The following MAPK10 variants were observed in gnomAD, a reference collection of about 807,000 sequenced individuals.
The protein encoded by MAPK10 is JNK3 alpha protein kinase.
MAPK10 carries 25 observed loss-of-function variants against 59.3 expected under a neutral mutation model. That is an observed-to-expected ratio of 0.42 (90% confidence interval 0.31 to 0.59). The LOEUF is 0.59. Among genes scored for constraint, MAPK10 ranks in the 20% least tolerant of loss-of-function variants. The pLI is 0.15. For missense variants in MAPK10, 351 were observed against 568.9 expected (o/e 0.62, Z 3.90); for synonymous variants, 190 against 200.5 (o/e 0.95, Z 0.44).
At chr4:86,388,778 CATG>C (rs1741827087) in intron 1 of MAPK10, among the ~76,000 whole-genome samples, 1 of 151,984 alleles carries the variant, frequency 6.6e-6, no homozygotes, top group East Asian at 1.9e-4. Flanking sequence ...AAATTATATC[CATG>C]ATATTTGTTT....
intron 4 of MAPK10, among the ~76,000 whole-genome samples, chr4:86,134,722 C>T (rs1347360880): frequency 6.6e-6 from 1 of 152,222 alleles, no homozygotes. Context: ...CTACAGCTCC[C>T]AGCGTGAGCG....
At chr4:86,061,896 T>C (rs1253109118) in intron 11 of MAPK10, among the ~76,000 whole-genome samples, 1 of 152,170 alleles carries the variant, frequency 6.6e-6, no homozygotes, top group Admixed American at 6.5e-5. Context: ...CAAAACAGTC[T>C]TGTCAGCCCC....
chr4:86,191,552 GCTTTTTTTTTTTTTTTTTT>G (rs2079809740), intron 3 of MAPK10: 1 of 32,910 alleles, frequency 3.0e-5, no homozygotes, highest in Non-Finnish European at 8.2e-5. Context: ...TACAACCCGT[GCTTTTTTTTTTTTTTTTTT>G]TTTTTTTTTT....
intron 2 of MAPK10, among the ~76,000 whole-genome samples, chr4:86,249,147 A>C (rs1260069427): frequency 1.4e-5 from 2 of 144,324 alleles, no homozygotes; most frequent in African/African-American, 5.6e-5. Context: ...CCAGAATTTT[A>C]TTATACATAC....
rs941046095 is a variant in MAPK10 at position 86,067,960 on chromosome 4, G to A, written c.803-5C>T. The A allele has an allele frequency of 1.3e-6, 2 of 1,592,704 alleles. No homozygotes were observed. Among genetic ancestry groups the A allele is most frequent in the Non-Finnish European group, 1.7e-6 (2 of 1,167,474 alleles). ...CCTTATTCCACTGGTCAATATCTGA[G>A]AATTGAACAGTTAAGGGAAAAAAGA... On this transcript the variant is annotated splice_region_variant and splice_polypyrimidine_tract_variant and intron_variant, in intron 9 of 13. Transcript: ENST00000641462.
chr4:86,562,938 C>T (rs919818130), intron 1 of MAPK10, among the ~76,000 whole-genome samples: 1 of 152,222 alleles, frequency 6.6e-6, no homozygotes, highest in East Asian at 1.9e-4. Flanking sequence ...CCAGCTGAAA[C>T]TGCTCTCTGT....
intron 11 of MAPK10, among the ~76,000 whole-genome samples, chr4:86,043,328 C>G (rs78815543): frequency 2.4e-3 from 363 of 152,200 alleles, no homozygotes; most frequent in African/African-American, 8.3e-3. Context: ...AATTAACATG[C>G]AGGGGTGCAG....
chr4:86,176,836 C>G (rs1381537324), intron 3 of MAPK10, among the ~76,000 whole-genome samples: 2 of 151,966 alleles, frequency 1.3e-5, no homozygotes, highest in Non-Finnish European at 2.9e-5. Context: ...TTTCAACATA[C>G]AAGATATATC....
intron 1 of MAPK10, among the ~76,000 whole-genome samples, chr4:86,435,170 G>A (rs1019414959): frequency 1.3e-5 from 2 of 152,108 alleles, no homozygotes; most frequent in Non-Finnish European, 2.9e-5. Flanking sequence ...GAATATAAAG[G>A]TAGTTATAAC....
intron 1 of MAPK10, among the ~76,000 whole-genome samples, chr4:86,411,323 T>C (rs1377854202): frequency 1.3e-5 from 2 of 152,206 alleles, no homozygotes; most frequent in African/African-American, 4.8e-5. Flanking sequence ...TACTTCCAAC[T>C]ATGTGGTCAA....
At chr4:86,218,568 C>CAAAAAAAAA (rs11330422) in intron 2 of MAPK10, among the ~76,000 whole-genome samples, 7 of 95,442 alleles carry the variant, frequency 7.3e-5, no homozygotes, top group Admixed American at 1.2e-4. Flanking sequence ...AAGACTTAAG[C>CAAAAAAAAA]AAAAAAAAAA....
intron 1 of MAPK10, among the ~76,000 whole-genome samples, chr4:86,421,195 A>G (rs1746499317): frequency 6.6e-6 from 1 of 152,054 alleles, no homozygotes; most frequent in South Asian, 2.1e-4. Context: ...CTTGTGGGTC[A>G]TTTCCCCAAG....
Position 86,513,170 on chromosome 4 carries a change from C to T in MAPK10, c.-263+80740G>A, listed in dbSNP as rs530743922. 9.9e-5 allele frequency among the ~76,000 whole-genome samples: 15 copies of T among 152,218 alleles called. No homozygotes were observed. The South Asian group carries it at 3.1e-3, about 32-fold the overall frequency. ...TTAAGCAGTCCTCCCATCTCAGCCT[C>T]CCAAGTAGCTAGAACTACAGGCACA... On this transcript the variant is annotated intron_variant, in intron 1 of 4. Coordinates refer to the MAPK10 transcript ENST00000502302.
In MAPK10 at chr4:86,140,137, G is replaced by T. The variant is rs1386338160; in HGVS notation, c.236+19161C>A. On this transcript the variant is annotated intron_variant, in intron 4 of 13. Coordinates refer to ENST00000641462, the MANE Select transcript of MAPK10 (RefSeq NM_138982.4). ...GAAGTCAGTGTGGCGACTCCTCAGG[G>T]ATCTAGAACTAGAAATACCATTTGA... Among the ~76,000 whole-genome samples, 2 of 133,054 alleles carry T rather than the reference G, an allele frequency of 1.5e-5. 1 individual carries two copies. The highest frequency in any genetic ancestry group is 6.5e-5 in the African/African-American group (2 of 30,982). The allele number at this position is 133,054 out of a possible 152,430, so 87.3% of individuals were successfully genotyped here.
intron 2 of MAPK10, among the ~76,000 whole-genome samples, chr4:86,212,548 G>T (rs2086140037): frequency 6.6e-6 from 1 of 151,990 alleles, no homozygotes; most frequent in African/African-American, 2.4e-5. Flanking sequence ...GATATTCTAT[G>T]CAAATAGTAA....
At chr4:86,577,465 TG>T (rs1184278044) in intron 1 of MAPK10, among the ~76,000 whole-genome samples, 1 of 152,018 alleles carries the variant, frequency 6.6e-6, no homozygotes, top group Non-Finnish European at 1.5e-5. Context: ...AATTCCAGAA[TG>T]ACATCTATGC....
At chr4:86,314,329 G>A (rs2095733625) in intron 2 of MAPK10, among the ~76,000 whole-genome samples, 2 of 152,126 alleles carry the variant, frequency 1.3e-5, no homozygotes, top group African/African-American at 2.4e-5. Context: ...ATTCCCACAC[G>A]TTGTGGGAGG....
At chr4:86,523,667 T>G (rs986848203) in intron 1 of MAPK10, among the ~76,000 whole-genome samples, 1 of 152,220 alleles carries the variant, frequency 6.6e-6, no homozygotes, top group Non-Finnish European at 1.5e-5. Context: ...AGGAGATACA[T>G]GTCTTCACCC....
chr4:86,423,695 G>A (rs1378137889), intron 1 of MAPK10, among the ~76,000 whole-genome samples: 5 of 150,000 alleles, frequency 3.3e-5, no homozygotes, highest in Non-Finnish European at 3.0e-5. Context: ...TTCACCTATT[G>A]TGTGTTATGA....
Sources: allele counts gnomAD v4.1 joint callset (sites outside exome capture counted in the v4.1 genomes callset), GRCh38; gene constraint gnomAD v4.1.1; transcripts MANE v1.5; gene names NCBI Gene and HGNC (gene_info 2026-07-23, HGNC 2026-07-21).